The following PKIB variants were observed in gnomAD, a reference collection of about 807,000 sequenced individuals.
The protein encoded by PKIB is PKI-beta.
In PKIB, 2 loss-of-function variants were observed where a neutral mutation model predicts 4.5. The observed-to-expected ratio is 0.44, with a 90% CI of 0.18 to 1.39. PKIB has a LOEUF of 1.39. PKIB is among the 40% of genes most tolerant of loss of function. PKIB has a pLI of 0.27. For synonymous variants in PKIB, 38 were observed against 36.0 expected (o/e 1.06, Z -0.20); for missense variants, 94 against 92.6 (o/e 1.02, Z -0.06).
chr6:122,623,543 C>G (rs568636189), intron 1 of PKIB, among the ~76,000 whole-genome samples: 2 of 152,258 alleles, frequency 1.3e-5, no homozygotes, highest in Admixed American at 1.3e-4. Flanking sequence ...TGGGCTGTAA[C>G]TGTTTGCCTA....
At chr6:122,566,610 A>ATTCCTCCC (rs746538665) in intron 2 of PKIB, among the ~76,000 whole-genome samples, 2 of 150,750 alleles carry the variant, frequency 1.3e-5, no homozygotes, top group African/African-American at 2.5e-5. Flanking sequence ...TTTTGAAATA[A>ATTCCTCCC]TTCCTCCCTT....
intron 2 of PKIB, among the ~76,000 whole-genome samples, chr6:122,633,880 C>A (rs1475047328): frequency 3.3e-5 from 5 of 152,040 alleles, no homozygotes; most frequent in African/African-American, 1.2e-4. Flanking sequence ...CAAGTTAATA[C>A]TTGTTTGAGA....
At chr6:122,646,823 C>A (rs1182812285) in intron 2 of PKIB, among the ~76,000 whole-genome samples, 1 of 152,002 alleles carries the variant, frequency 6.6e-6, no homozygotes, top group African/African-American at 2.4e-5. Flanking sequence ...TCAATTTACA[C>A]CTTCTTCATA....
intron 2 of PKIB, among the ~76,000 whole-genome samples, chr6:122,506,801 G>A (rs1227018354): frequency 6.8e-6 from 1 of 146,066 alleles, no homozygotes; most frequent in Non-Finnish European, 1.5e-5. Context: ...CCGGGTTCAC[G>A]CCATTCTCCT....
At chr6:122,530,379 A>AT (rs913447344) in intron 2 of PKIB, among the ~76,000 whole-genome samples, 4 of 152,070 alleles carry the variant, frequency 2.6e-5, no homozygotes, top group African/African-American at 9.7e-5. Context: ...CTCATTGAGT[A>AT]TTTTTATGAT....
At chr6:122,707,027 T>G (rs1779086889) in intron 3 of PKIB, among the ~76,000 whole-genome samples, 1 of 152,044 alleles carries the variant, frequency 6.6e-6, no homozygotes, top group South Asian at 2.1e-4. Flanking sequence ...ACTAAAGGAC[T>G]ATAGTAACAT....
chr6:122,658,533 T>C (rs879429896), intron 2 of PKIB, among the ~76,000 whole-genome samples: 18 of 152,144 alleles, frequency 1.2e-4, no homozygotes, highest in Non-Finnish European at 2.6e-4. Flanking sequence ...TATACTCTTA[T>C]TTTTTGTATT....
At chr6:122,626,246 T>G (rs560558739) in intron 1 of PKIB, among the ~76,000 whole-genome samples, 14 of 152,362 alleles carry the variant, frequency 9.2e-5, no homozygotes, top group Admixed American at 5.9e-4. Flanking sequence ...TTTTTGAACT[T>G]TATGGAGCAA....
chr6:122,691,029 T>A (rs1778331784), intron 3 of PKIB, among the ~76,000 whole-genome samples: 1 of 151,490 alleles, frequency 6.6e-6, no homozygotes, highest in Admixed American at 6.6e-5. Context: ...CGGCCCTAAA[T>A]TTTCCACTGA....
chr6:122,544,942 C>T (rs2114644400), intron 2 of PKIB, among the ~76,000 whole-genome samples: 1 of 152,096 alleles, frequency 6.6e-6, no homozygotes. Context: ...CAATGAGATA[C>T]CATCTTGCAC....
chr6:122,556,482 A>G (rs1429704491), intron 2 of PKIB, among the ~76,000 whole-genome samples: 1 of 152,194 alleles, frequency 6.6e-6, no homozygotes, highest in African/African-American at 2.4e-5. Context: ...ATTCTGATCT[A>G]TGTACCTAGT....
intron 2 of PKIB, among the ~76,000 whole-genome samples, chr6:122,561,289 G>A (rs935507995): frequency 6.6e-6 from 1 of 151,856 alleles, no homozygotes; most frequent in African/African-American, 2.4e-5. Flanking sequence ...TCTTGATTTC[G>A]TTTTTGACCC....
intron 3 of PKIB, among the ~76,000 whole-genome samples, chr6:122,593,858 G>A (rs1391518999): frequency 1.3e-5 from 2 of 152,068 alleles, no homozygotes; most frequent in East Asian, 3.9e-4. Flanking sequence ...GCCTTCCCAA[G>A]CCCACTGACT....
At chr6:122,638,319 G>C (rs1384273511) in intron 2 of PKIB, among the ~76,000 whole-genome samples, 2 of 152,156 alleles carry the variant, frequency 1.3e-5, no homozygotes, top group Non-Finnish European at 2.9e-5. Context: ...CACTAACAAA[G>C]TAGCAATTTT....
chr6:122,480,081 C>T (rs974771270), intron 2 of PKIB: 5 of 150,778 alleles, frequency 3.3e-5, no homozygotes, highest in African/African-American at 1.2e-4. Context: ...CTCGCTCTGT[C>T]ACCCAGGCTG....
intron 2 of PKIB, among the ~76,000 whole-genome samples, chr6:122,509,523 C>G (rs1408447076): frequency 2.6e-5 from 4 of 151,746 alleles, no homozygotes. Flanking sequence ...CTCTGCCTCC[C>G]AGGTTTGCGC....
intron 2 of PKIB, among the ~76,000 whole-genome samples, chr6:122,642,188 A>G (rs773944343): frequency 1.3e-5 from 2 of 152,198 alleles, no homozygotes; most frequent in Non-Finnish European, 2.9e-5. Context: ...AGCTCTTTGA[A>G]CCTCTTTCAG....
intron 2 of PKIB, among the ~76,000 whole-genome samples, chr6:122,542,610 G>C (rs902931736): frequency 6.6e-6 from 1 of 152,074 alleles, no homozygotes; most frequent in Non-Finnish European, 1.5e-5. Flanking sequence ...GGCCGTGTGA[G>C]GTGTCAGTCT....
intron 2 of PKIB, among the ~76,000 whole-genome samples, chr6:122,530,148 C>A (rs1034491836): frequency 1.3e-5 from 2 of 152,052 alleles, no homozygotes; most frequent in African/African-American, 2.4e-5. Flanking sequence ...CTGATTCAAT[C>A]ATCTCAACTG....
Sources: gnomAD v4.1 joint callset for allele counts (sites outside exome capture counted in the v4.1 genomes callset) on GRCh38, gnomAD v4.1.1 for gene constraint, MANE v1.5 for transcripts, NCBI Gene and HGNC (gene_info 2026-07-23, HGNC 2026-07-21) for gene names.